FRYL: variants seen among roughly 807,000 people sequenced by gnomAD.
FRYL encodes the protein FRY like transcription coactivator, also known as protein furry homolog-like.
FRYL carries 150 observed loss-of-function variants against 351.2 expected under a neutral mutation model. The observed-to-expected ratio is 0.43, with a 90% CI of 0.37 to 0.49. The LOEUF is 0.49. Ranked by LOEUF, FRYL falls within the 20% of genes least tolerant of loss-of-function variation. The pLI is 0.00. For synonymous variants in FRYL, 1,153 were observed against 1,257.1 expected, an observed-to-expected ratio of 0.92 and a Z score of 1.75; for missense variants, 3,036 against 3,619.3, an observed-to-expected ratio of 0.84 and a Z score of 4.13.
At chr4:48,738,817 A>G (rs1771721506) in intron 1 of FRYL, among the ~76,000 whole-genome samples, 1 of 152,010 alleles carries the variant, frequency 6.6e-6, no homozygotes, top group South Asian at 2.1e-4. Flanking sequence ...GGAAGACTCA[A>G]TATTGTAACA....
At chr4:48,699,683 T>A (rs1766536685) in intron 2 of FRYL, among the ~76,000 whole-genome samples, 1 of 152,094 alleles carries the variant, frequency 6.6e-6, no homozygotes, top group Non-Finnish European at 1.5e-5. Flanking sequence ...CTACCTGTGG[T>A]TTAACATGAA....
At chr4:48,529,491 C>T (rs1727049741) in intron 50 of FRYL, among the ~76,000 whole-genome samples, 1 of 152,164 alleles carries the variant, frequency 6.6e-6, no homozygotes. Context: ...CAAGCTTCTC[C>T]ATCATACTCC....
Position 48,543,840 on chromosome 4 carries a change from T to A in FRYL, c.5559A>T (p.Val1853=). ...CTTCTCCTGGATCCCCTACAGTTTC[T>A]ACAAGTCTGGAGAGAACATCAGAAA... is the stretch of plus-strand genomic sequence containing the variant. ...TTLSDVLSRL[V]ETVGDPGEDA... Residue 1853 remains valine (V), a synonymous_variant, in exon 44 of 64, where the codon GTA becomes GTT. Coordinates refer to ENST00000358350, the MANE Select transcript of FRYL (RefSeq NM_015030.2). The A allele has an allele frequency of 6.2e-7, 1 of 1,613,752 alleles. No homozygotes were observed. Among genetic ancestry groups the A allele is most frequent in the Non-Finnish European group, 8.5e-7 (1 of 1,179,746 alleles).
At chr4:48,654,937 TA>T (rs1758506258) in intron 3 of FRYL, among the ~76,000 whole-genome samples, 1 of 152,236 alleles carries the variant, frequency 6.6e-6, no homozygotes, top group South Asian at 2.1e-4. Context: ...TGTTTAGAGT[TA>T]TTTTTTTCCA....
At chr4:48,550,802 C>A in intron 37 of FRYL, 98 bp from the exon 38 acceptor site, 1 of 919,584 alleles carries the variant, frequency 1.1e-6, no homozygotes, top group Non-Finnish European at 1.8e-6. Context: ...GGACGGACGC[C>A]ATGGTTCAAG....
At chr4:48,671,241 AGACT>A (rs1289883351) in intron 3 of FRYL, among the ~76,000 whole-genome samples, 2 of 152,258 alleles carry the variant, frequency 1.3e-5, no homozygotes, top group African/African-American at 4.8e-5. Flanking sequence ...AGAAGTGATT[AGACT>A]AACTATAAAA....
chr4:48,544,964 TCA>T, intron 42 of FRYL, 60 bp from the exon 43 acceptor site: 1 of 1,537,206 alleles, frequency 6.5e-7, no homozygotes, highest in Non-Finnish European at 8.7e-7. Flanking sequence ...ACAGTTGTAC[TCA>T]CACTTGCCTA....
At chr4:48,641,966 T>C (rs1357075129) in intron 3 of FRYL, among the ~76,000 whole-genome samples, 2 of 152,198 alleles carry the variant, frequency 1.3e-5, no homozygotes, top group Non-Finnish European at 2.9e-5. Flanking sequence ...TGTAACTTAT[T>C]TGAGCTACTG....
At chr4:48,724,006 T>C (rs1769799935) in intron 1 of FRYL, among the ~76,000 whole-genome samples, 2 of 151,154 alleles carry the variant, frequency 1.3e-5, no homozygotes, top group Admixed American at 1.3e-4. Context: ...CACACACCTG[T>C]AATCCCAGCT....
intron 56 of FRYL, 64 bp from the exon 57 acceptor site, chr4:48,512,752 C>G: frequency 1.7e-6 from 2 of 1,175,026 alleles, no homozygotes; most frequent in East Asian, 2.4e-5. Flanking sequence ...GGCTCAATCA[C>G]GTAAGACAGC....
At chr4:48,521,362 C>CCATTCTGGTGT in intron 54 of FRYL, 147 bp from the exon 55 acceptor site, 1 of 612,296 alleles carries the variant, frequency 1.6e-6, no homozygotes, top group Non-Finnish European at 2.8e-6. Context: ...CAGTCTACAC[C>CCATTCTGGTGT]AGAATGGGTG....
intron 1 of FRYL, among the ~76,000 whole-genome samples, chr4:48,756,735 C>T (rs1773828347): frequency 6.6e-6 from 1 of 152,104 alleles, no homozygotes; most frequent in Non-Finnish European, 1.5e-5. Flanking sequence ...TTTGCTTGAG[C>T]TCATTAGTTC....
At chr4:48,758,939 G>T (rs1774119836) in intron 1 of FRYL, among the ~76,000 whole-genome samples, 1 of 152,134 alleles carries the variant, frequency 6.6e-6, no homozygotes, top group Non-Finnish European at 1.5e-5. Flanking sequence ...TAGGGACATG[G>T]ATGAAGCTGG....
At chr4:48,568,320 C>T (rs1485280108) in intron 27 of FRYL, among the ~76,000 whole-genome samples, 2 of 152,184 alleles carry the variant, frequency 1.3e-5, no homozygotes. Context: ...CTGGCAACCA[C>T]TGACTGACTG....
intron 1 of FRYL, among the ~76,000 whole-genome samples, chr4:48,713,460 C>T (rs55775796): frequency 0.039 from 5,998 of 151,918 alleles, 171 homozygotes; most frequent in Middle Eastern, 0.068. Context: ...AAAAAGGCAG[C>T]GGTTGCAATC....
At chr4:48,655,842 T>C (rs1758772819) in intron 3 of FRYL, among the ~76,000 whole-genome samples, 1 of 143,352 alleles carries the variant, frequency 7.0e-6, no homozygotes, top group Non-Finnish European at 1.5e-5. Context: ...ATATATACTA[T>C]ATATAATGTA....
At chr4:48,621,403 T>C (rs1463765724) in intron 5 of FRYL, among the ~76,000 whole-genome samples, 2 of 152,218 alleles carry the variant, frequency 1.3e-5, no homozygotes, top group Non-Finnish European at 2.9e-5. Flanking sequence ...GGGGCATTCT[T>C]GAAATGATCT....
chr4:48,746,544 T>TAA (rs75943469), intron 1 of FRYL, among the ~76,000 whole-genome samples: 2 of 137,830 alleles, frequency 1.5e-5, no homozygotes, highest in Admixed American at 7.3e-5. Context: ...GACTCCGTTT[T>TAA]AAAAAAAAAA....
rs560839030 is a variant in FRYL, at chr4:48,712,833, G to A, written c.-383-2135C>T. 2.8e-3 allele frequency among the ~76,000 whole-genome samples: 430 copies of A among 152,228 alleles called. 1 individual carries two copies. The highest frequency in any genetic ancestry group is 9.8e-3 in the African/African-American group (409 of 41,534). ...AATGTTAAGGGCAGCCAGAGACAAA[G>A]GTCGGGTTACCCACAAAGGGAAGCC... On this transcript the variant is annotated intron_variant, in intron 1 of 63. Coordinates refer to ENST00000358350, the MANE Select transcript of FRYL (RefSeq NM_015030.2).
Sources: gnomAD v4.1 joint callset for allele counts (sites outside exome capture counted in the v4.1 genomes callset) on GRCh38, gnomAD v4.1.1 for gene constraint, MANE v1.5 for transcripts, NCBI Gene and HGNC (gene_info 2026-07-23, HGNC 2026-07-21) for gene names.